The following TMEM108 variants were observed in gnomAD, a reference collection of about 807,000 sequenced individuals.
TMEM108 encodes cancer/testis antigen 124.
TMEM108 carries 12 observed loss-of-function variants against 35.1 expected under a neutral mutation model. The observed-to-expected ratio is 0.34, with a 90% CI of 0.22 to 0.55. The LOEUF is 0.55. Among genes scored for constraint, TMEM108 ranks in the 20% least tolerant of loss-of-function variants. The pLI is 0.89. For synonymous variants in TMEM108, 287 were observed against 308.6 expected, an observed-to-expected ratio of 0.93 and a Z score of 0.73; for missense variants, 680 against 753.3, an observed-to-expected ratio of 0.90 and a Z score of 1.14.
intron 3 of TMEM108, among the ~76,000 whole-genome samples, chr3:133,275,464 A>C (rs1218519408): frequency 1.3e-5 from 2 of 152,334 alleles, no homozygotes; most frequent in Non-Finnish European, 2.9e-5. Context: ...CATTGCATTT[A>C]AGTTCAGACT....
intron 2 of TMEM108, among the ~76,000 whole-genome samples, chr3:133,136,286 A>G (rs1944563558): frequency 6.6e-6 from 1 of 152,202 alleles, no homozygotes; most frequent in East Asian, 1.9e-4. Flanking sequence ...AGGCTGACAA[A>G]TGTAACCCAG....
intron 3 of TMEM108, among the ~76,000 whole-genome samples, chr3:133,321,668 G>A (rs776055142): frequency 6.6e-6 from 1 of 152,108 alleles, no homozygotes; most frequent in Non-Finnish European, 1.5e-5. Context: ...CTATGCCCTA[G>A]AACAAATGGA....
chr3:133,067,514 A>G lies in TMEM108; in HGVS notation c.-47+21494A>G, dbSNP rs182194789. ...CTCACCTGCTTTAGCTCTCTGAATT[A>G]TGAATGTTCATCTGCTACTACTTGC... On this transcript the variant is annotated intron_variant, in intron 2 of 5. Transcript: ENST00000321871. Among the ~76,000 whole-genome samples, 135 of 152,316 alleles carry G rather than the reference A, an allele frequency of 8.9e-4. 1 individual carries two copies. The highest frequency in any genetic ancestry group is 3.1e-3 in the African/African-American group (127 of 41,586).
chr3:133,391,044 G>T (rs914893846), intron 5 of TMEM108, among the ~76,000 whole-genome samples: 1 of 152,292 alleles, frequency 6.6e-6, no homozygotes, highest in Admixed American at 6.5e-5. Context: ...GAGTGAAACA[G>T]TAAAGAAGGA....
intron 5 of TMEM108, among the ~76,000 whole-genome samples, chr3:133,393,722 T>C (rs1201479756): frequency 1.3e-5 from 2 of 152,254 alleles, no homozygotes; most frequent in African/African-American, 4.8e-5. Context: ...ACTTTAGGTA[T>C]GGGCTGTGAA....
At chr3:133,273,816 G>A (rs1024550077) in intron 3 of TMEM108, among the ~76,000 whole-genome samples, 3 of 152,316 alleles carry the variant, frequency 2.0e-5, no homozygotes, top group South Asian at 2.1e-4. Context: ...GAAGAGAATA[G>A]AGGAGAGGAG....
intron 2 of TMEM108, among the ~76,000 whole-genome samples, chr3:133,156,640 G>A (rs895905019): frequency 2.0e-5 from 3 of 152,206 alleles, no homozygotes; most frequent in African/African-American, 7.2e-5. Context: ...TAACAGATGA[G>A]AAAGAACAAT....
intron 2 of TMEM108, among the ~76,000 whole-genome samples, chr3:133,186,742 C>CT (rs1945426831): frequency 6.6e-6 from 1 of 152,170 alleles, no homozygotes; most frequent in Admixed American, 6.5e-5. Context: ...GGTTTCAAGT[C>CT]TTTAAGAATA....
intron 2 of TMEM108, among the ~76,000 whole-genome samples, chr3:133,063,468 G>C (rs375588034): frequency 1.4e-4 from 21 of 152,256 alleles, no homozygotes; most frequent in South Asian, 6.2e-4. Context: ...CACCACATAG[G>C]GGGGCTAGAG....
intron 3 of TMEM108, among the ~76,000 whole-genome samples, chr3:133,235,175 G>A (rs1329977974): frequency 6.6e-6 from 1 of 152,118 alleles, no homozygotes; most frequent in Non-Finnish European, 1.5e-5. Context: ...TGGCCATACT[G>A]CCCAAGGTAA....
rs896497447 is a variant in TMEM108 at position 133,102,001 on chromosome 3, T to A, written c.-47+55981T>A. 2.0e-5 allele frequency among the ~76,000 whole-genome samples: 3 copies of A among 152,244 alleles called. No homozygotes were observed. The East Asian group carries it at 5.8e-4, about 29-fold the overall frequency. ...GGACCTAGTATTTTTGAGGCTATTC[T>A]ATCTAGCTTTATAGAAGTACTAAGT... On this transcript the variant is annotated intron_variant, in intron 2 of 5. Coordinates refer to ENST00000321871, the MANE Select transcript of TMEM108 (RefSeq NM_023943.4).
intron 3 of TMEM108, chr3:133,246,000 G>T: frequency 6.7e-6 from 1 of 148,934 alleles, no homozygotes. Context: ...TATATAATGT[G>T]CATTTATAGC....
rs902142731 is a variant in TMEM108 at position 133,386,436 on chromosome 3, C to T, written c.1451-3744C>T. 13 of 1,536,040 alleles carry T rather than the reference C, an allele frequency of 8.5e-6. No individual in the cohort carries two copies. In the African/African-American group the frequency reaches 1.4e-4, roughly 16 times the overall value. ...TCTCATCACACAGCAGATCCTATCA[C>T]CTGAAAGCATGCCCTTCCACAAATG... On this transcript the variant is annotated intron_variant, in intron 4 of 5. Transcript: ENST00000321871.
chr3:133,226,287 C>T (rs62280353), intron 2 of TMEM108, among the ~76,000 whole-genome samples: 27 of 152,322 alleles, frequency 1.8e-4, no homozygotes, highest in Non-Finnish European at 3.4e-4. Context: ...GCTAGACTCT[C>T]AGCTAATCTT....
intron 3 of TMEM108, among the ~76,000 whole-genome samples, chr3:133,300,792 G>A (rs1196266808): frequency 2.0e-5 from 3 of 151,890 alleles, no homozygotes; most frequent in East Asian, 1.9e-4. Flanking sequence ...GGAGATGGGG[G>A]GTGGGAGGTA....
intron 3 of TMEM108, among the ~76,000 whole-genome samples, chr3:133,256,475 G>A (rs1256049144): frequency 6.6e-6 from 1 of 152,134 alleles, no homozygotes; most frequent in Non-Finnish European, 1.5e-5. Context: ...TAATATGTGG[G>A]GTTAATGAAA....
At chr3:133,156,226 T>C (rs1229264381) in intron 2 of TMEM108, among the ~76,000 whole-genome samples, 1 of 152,108 alleles carries the variant, frequency 6.6e-6, no homozygotes, top group African/African-American at 2.4e-5. Context: ...GTTTTACAAA[T>C]CAACTAAGAC....
chr3:133,232,153 A>G (rs1467369461), intron 3 of TMEM108, among the ~76,000 whole-genome samples: 2 of 152,156 alleles, frequency 1.3e-5, no homozygotes, highest in African/African-American at 2.4e-5. Flanking sequence ...GGGTTTGGAT[A>G]TCTGATCCCT....
chr3:133,089,412 C>T (rs901193857), intron 2 of TMEM108, among the ~76,000 whole-genome samples: 1 of 152,108 alleles, frequency 6.6e-6, no homozygotes, highest in African/African-American at 2.4e-5. Flanking sequence ...CTCTCATGTC[C>T]TTTGAAAGAA....
Sources: allele counts gnomAD v4.1 joint callset (sites outside exome capture counted in the v4.1 genomes callset), GRCh38; gene constraint gnomAD v4.1.1; transcripts MANE v1.5; gene names NCBI Gene and HGNC (gene_info 2026-07-23, HGNC 2026-07-21).